STARD13: variants seen among roughly 807,000 people sequenced by gnomAD.
STARD13 encodes the protein StAR related lipid transfer domain containing 13.
Under a neutral mutation model 106.4 loss-of-function variants are expected in STARD13, and 62 were observed. The ratio of observed to expected loss-of-function variants is 0.58; its 90% CI spans 0.48 to 0.72. The LOEUF (loss-of-function observed/expected upper bound fraction) is 0.72, where lower values mean the gene tolerates loss of function less well. STARD13 is among the 30% of genes least tolerant of loss of function. STARD13 has a pLI of 0.00. For synonymous variants in STARD13, 565 were observed against 553.0 expected (o/e 1.02, Z -0.31); for missense variants, 1,387 against 1,424.0 (o/e 0.97, Z 0.42).
At chr13:33,264,417 C>T (rs150234895) in intron 1 of STARD13, among the ~76,000 whole-genome samples, 5 of 152,300 alleles carry the variant, frequency 3.3e-5, no homozygotes, top group African/African-American at 9.6e-5. Flanking sequence ...AACTTGGGTC[C>T]TGTTGGTTTA....
chr13:33,592,741 A>G, the STARD13 span, among the ~76,000 whole-genome samples: 7 of 152,254 alleles, frequency 4.6e-5, no homozygotes, highest in East Asian at 1.2e-3. Context: ...ACACAAGCAT[A>G]CACTGAGAAT....
intron 1 of STARD13, among the ~76,000 whole-genome samples, chr13:33,298,479 G>A (rs903365517): frequency 1.3e-5 from 2 of 151,528 alleles, no homozygotes; most frequent in Non-Finnish European, 2.9e-5. Flanking sequence ...CTTCTCAGGA[G>A]ACCACTGCAG....
intron 1 of STARD13, among the ~76,000 whole-genome samples, chr13:33,203,345 C>T (rs9591586): frequency 6.6e-6 from 1 of 152,114 alleles, no homozygotes; most frequent in Non-Finnish European, 1.5e-5. Flanking sequence ...CCTATCTTTT[C>T]ATATCTTATA....
At chr13:33,427,277 A>C in the STARD13 span, among the ~76,000 whole-genome samples, 28 of 152,322 alleles carry the variant, frequency 1.8e-4, no homozygotes, top group South Asian at 5.6e-3. Flanking sequence ...AGGCCTCTCT[A>C]TCCCAAATGC....
At chr13:33,196,485 G>C (rs891960117) in intron 1 of STARD13, among the ~76,000 whole-genome samples, 2 of 152,172 alleles carry the variant, frequency 1.3e-5, no homozygotes, top group African/African-American at 4.8e-5. Context: ...GCCCTCACTG[G>C]AGCTGCCAGC....
At chr13:33,505,321 A>C in the STARD13 span, among the ~76,000 whole-genome samples, 1 of 152,176 alleles carries the variant, frequency 6.6e-6, no homozygotes, top group Non-Finnish European at 1.5e-5. Flanking sequence ...ATCCATCCTC[A>C]GGTTTCTCTA....
At chr13:33,609,859 C>T in the STARD13 span, among the ~76,000 whole-genome samples, 5 of 152,140 alleles carry the variant, frequency 3.3e-5, no homozygotes, top group Non-Finnish European at 5.9e-5. Context: ...TGAGCCACTG[C>T]GCCCGGCCTC....
In STARD13 at chr13:33,156,519, A is replaced by T. The variant is rs981554783; in HGVS notation, c.323+8818T>A. 3.3e-5 allele frequency among the ~76,000 whole-genome samples: 5 copies of T among 152,250 alleles called. 1 individual carries two copies. Among genetic ancestry groups the T allele is most frequent in the Middle Eastern group, 6.8e-3 (2 of 294 alleles). On this transcript the variant is annotated intron_variant, in intron 3 of 13. Transcript: ENST00000336934. Reference sequence around the variant, plus strand: ...TTCTGCACATTAATTTAGTTTTTTTAAAAAAACTAAAAGTTCAAACAAGCC... The same window carrying T: ...TTCTGCACATTAATTTAGTTTTTTTTAAAAAACTAAAAGTTCAAACAAGCC...
At chr13:33,574,144 G>A in the STARD13 span, among the ~76,000 whole-genome samples, 2,499 of 152,220 alleles carry the variant, frequency 0.016, 59 homozygotes, top group African/African-American at 0.057. Flanking sequence ...GAGGAGCTGC[G>A]GATGTGTCTT....
In STARD13 at chr13:33,215,124, G is replaced by A. The variant is rs556503427; in HGVS notation, c.170-47502C>T. 2.0e-4 allele frequency among the ~76,000 whole-genome samples: 26 copies of A among 128,386 alleles called. 1 individual carries two copies. The highest frequency in any genetic ancestry group is 3.6e-4 in the African/African-American group (12 of 33,526). The allele number at this position is 128,386 out of a possible 152,430, so 84.2% of individuals were successfully genotyped here. A position where few individuals can be genotyped will look rare whatever the true frequency, so the allele number is the denominator to read the frequency against. On this transcript the variant is annotated intron_variant, in intron 1 of 13. Coordinates refer to ENST00000336934, the MANE Select transcript of STARD13 (RefSeq NM_178006.4). ...TCAGGAATAGAATGAGTACTTGGGGGGGGGGGTGGGGGGAAATAAGCACCT... is the reference window on the plus strand; with the variant it reads ...TCAGGAATAGAATGAGTACTTGGGGAGGGGGGTGGGGGGAAATAAGCACCT...
the STARD13 span, among the ~76,000 whole-genome samples, chr13:33,358,047 G>A: frequency 1.3e-5 from 2 of 151,976 alleles, no homozygotes; most frequent in Non-Finnish European, 2.9e-5. Flanking sequence ...CCGGGTGGGC[G>A]TGGGCTTGGC....
the STARD13 span, among the ~76,000 whole-genome samples, chr13:33,607,666 GA>G: frequency 1.3e-5 from 2 of 151,576 alleles, no homozygotes; most frequent in East Asian, 3.9e-4. Flanking sequence ...TAGAAAGGAA[GA>G]AAAAAAATTC....
the STARD13 span, among the ~76,000 whole-genome samples, chr13:33,669,296 T>C: frequency 6.6e-6 from 1 of 152,112 alleles, no homozygotes. Context: ...ACTAAGTAGA[T>C]AAATGTAGTT....
chr13:33,484,048 G>A, the STARD13 span, among the ~76,000 whole-genome samples: 3 of 152,236 alleles, frequency 2.0e-5, no homozygotes, highest in South Asian at 6.2e-4. Flanking sequence ...ATTAGGATGT[G>A]GTTGAAACCA....
chr13:33,179,286 C>G (rs1344164815), intron 1 of STARD13, among the ~76,000 whole-genome samples: 2 of 152,184 alleles, frequency 1.3e-5, no homozygotes, highest in Non-Finnish European at 2.9e-5. Flanking sequence ...GGATACACCT[C>G]TCATTACCTG....
intron 5 of STARD13, among the ~76,000 whole-genome samples, chr13:33,127,751 T>C (rs1429833943): frequency 6.6e-6 from 1 of 152,220 alleles, no homozygotes; most frequent in East Asian, 1.9e-4. Flanking sequence ...AAAAGTCTTA[T>C]TATCCATTTT....
At chr13:33,337,570 T>A (rs1352310440) in intron 1 of STARD13, among the ~76,000 whole-genome samples, 1 of 152,208 alleles carries the variant, frequency 6.6e-6, no homozygotes, top group Non-Finnish European at 1.5e-5. Context: ...GTTGTCAGAA[T>A]CAATAAACAA....
At chr13:33,604,107 A>ATT in the STARD13 span, among the ~76,000 whole-genome samples, 1 of 152,230 alleles carries the variant, frequency 6.6e-6, no homozygotes, top group East Asian at 1.9e-4. Flanking sequence ...ATTAAATAAC[A>ATT]AAGTCAGAAC....
intron 1 of STARD13, among the ~76,000 whole-genome samples, chr13:33,291,659 C>G (rs1319279537): frequency 6.6e-6 from 1 of 152,130 alleles, no homozygotes; most frequent in Non-Finnish European, 1.5e-5. Context: ...GGCCCCTGTT[C>G]TCAAGGGACT....
Sources: gnomAD v4.1 joint callset for allele counts (sites outside exome capture counted in the v4.1 genomes callset) on GRCh38, gnomAD v4.1.1 for gene constraint, MANE v1.5 for transcripts, NCBI Gene and HGNC (gene_info 2026-07-23, HGNC 2026-07-21) for gene names.